GLIPR1L2: variants seen among roughly 807,000 people sequenced by gnomAD.
GLIPR1L2 encodes the protein GLIPR1 like 2.
Under a neutral mutation model 28.4 loss-of-function variants are expected in GLIPR1L2, and 21 were observed. The observed-to-expected ratio is 0.74, with a 90% CI of 0.52 to 1.06. The LOEUF (loss-of-function observed/expected upper bound fraction) is 1.06. GLIPR1L2 is among the 50% of genes least tolerant of loss of function. GLIPR1L2 has a pLI of 0.00. For synonymous variants in GLIPR1L2, 145 were observed against 139.3 expected, an observed-to-expected ratio of 1.04 and a Z score of -0.29; for missense variants, 476 against 416.9, an observed-to-expected ratio of 1.14 and a Z score of -1.23.
intron 2 of GLIPR1L2, among the ~76,000 whole-genome samples, chr12:75,413,305 C>T (rs2045889603): frequency 6.6e-6 from 1 of 151,146 alleles, no homozygotes; most frequent in Non-Finnish European, 1.5e-5. Context: ...TGTAACAAAC[C>T]TGCACATTGT....
At chr12:75,397,459 T>C (rs1158609998) in intron 1 of GLIPR1L2, among the ~76,000 whole-genome samples, 1 of 152,200 alleles carries the variant, frequency 6.6e-6, no homozygotes, top group African/African-American at 2.4e-5. Flanking sequence ...TTTTCTATCC[T>C]ATGCTTATTT....
chr12:75,412,004 T>A (rs2045872685), intron 2 of GLIPR1L2, among the ~76,000 whole-genome samples: 1 of 152,040 alleles, frequency 6.6e-6, no homozygotes, highest in Non-Finnish European at 1.5e-5. Context: ...TTTATTTCAT[T>A]TTTTAATGAA....
Position 75,391,344 on chromosome 12 carries a change from C to A in GLIPR1L2, c.228C>A (p.Arg76=), listed in dbSNP as rs749779615. Reference sequence around the variant, plus strand: ...TCATTCCCCGAGGGTCTAACTTGCGCTTCATGGTGAGGCCGGAAGGCGGTT... The same window carrying A: ...TCATTCCCCGAGGGTCTAACTTGCGATTCATGGTGAGGCCGGAAGGCGGTT... ...GDVIPRGSNL[R]FMTWDVALSR... is the part of the protein sequence containing the mutation. The change falls in exon 1 of 6, where the codon CGC becomes CGA. Residue 76 remains arginine (R), a synonymous_variant. Transcript: ENST00000550916. 1 of 1,613,826 alleles carries A rather than the reference C, an allele frequency of 6.2e-7. No individual in the cohort carries two copies. The highest frequency in any genetic ancestry group is 8.5e-7 in the Non-Finnish European group (1 of 1,179,700).
At chr12:75,418,653 G>T (rs955594903) in intron 3 of GLIPR1L2, among the ~76,000 whole-genome samples, 1 of 152,040 alleles carries the variant, frequency 6.6e-6, no homozygotes, top group Non-Finnish European at 1.5e-5. Context: ...GATTGTCTTG[G>T]CTATTCGGGC....
At chr12:75,426,355 T>A (rs1052870876) in intron 4 of GLIPR1L2, among the ~76,000 whole-genome samples, 3 of 152,232 alleles carry the variant, frequency 2.0e-5, no homozygotes, top group Non-Finnish European at 4.4e-5. Flanking sequence ...AAATACAGTT[T>A]ATCTGAATAC....
In GLIPR1L2 at chr12:75,431,119, G is replaced by T; in HGVS notation, c.993G>T (p.Glu331Asp). 2 of 958,190 alleles carry T rather than the reference G, an allele frequency of 2.1e-6. No homozygotes were observed. The highest frequency in any genetic ancestry group is 2.1e-5 in the Admixed American group (1 of 46,756). 59.4% of individuals were successfully genotyped at this position (958,190 alleles called of 1,614,324 possible). ...AAAAAGAAGAGAGAGAGGAGGAGGAGGAGGAAACACAAAAAGAAAAGATGG... is the reference window on the plus strand; with the variant it reads ...AAAAAGAAGAGAGAGAGGAGGAGGATGAGGAAACACAAAAAGAAAAGATGG... ...EEEKEEREEE[E>D]EETQKEKMEE... The change falls in exon 6 of 6, where the codon GAG becomes GAT. Residue 331 changes from glutamate to aspartate, a missense_variant. By Grantham distance (45) the Glu-to-Asp change is conservative. Transcript: ENST00000550916.
rs1213822233 is a variant in GLIPR1L2 at position 75,391,167 on chromosome 12, C to T, written c.51C>T (p.Pro17=). The change falls in exon 1 of 6, where the codon CCC becomes CCT. Residue 17 remains proline (P), a synonymous_variant. Transcript: ENST00000550916. ...GGGAGTGGAGGGCCCAGTCCCTACCCCTGGCAGTAGGGGGCGTTTTGAAGC... is the reference window on the plus strand; with the variant it reads ...GGGAGTGGAGGGCCCAGTCCCTACCTCTGGCAGTAGGGGGCGTTTTGAAGC... The part of the protein sequence containing the change: ...FAREWRAQSL[P]LAVGGVLKLR... 6.2e-7 allele frequency: 1 copy of T among 1,614,048 alleles called. No individual in the cohort carries two copies. Among genetic ancestry groups the T allele is most frequent in the Admixed American group, 1.7e-5 (1 of 60,014 alleles).
chr12:75,430,673 G>T (rs1594036873), intron 4 of GLIPR1L2, 42 bp from the exon 5 acceptor site: 1 of 1,505,094 alleles, frequency 6.6e-7, no homozygotes. Context: ...AGACAAAGAA[G>T]AAATTTTATG....
chr12:75,393,228 G>T (rs1452816165), intron 1 of GLIPR1L2, among the ~76,000 whole-genome samples: 1 of 151,910 alleles, frequency 6.6e-6, no homozygotes, highest in African/African-American at 2.4e-5. Context: ...TTAAAAAATT[G>T]TATTACAATA....
intron 3 of GLIPR1L2, among the ~76,000 whole-genome samples, chr12:75,419,253 A>T (rs1373530622): frequency 2.0e-5 from 3 of 152,200 alleles, no homozygotes; most frequent in Non-Finnish European, 4.4e-5. Flanking sequence ...GAAATTAATG[A>T]AGCAGTGTGG....
chr12:75,391,152 G>A lies in GLIPR1L2; in HGVS notation c.36G>A (p.Arg12=). ...EAARPFAREW[R]AQSLPLAVGG... ...CAAGGCCCTTCGCCCGGGAGTGGAG[G>A]GCCCAGTCCCTACCCCTGGCAGTAG... Residue 12 remains arginine (R), a synonymous_variant, in exon 1 of 6, where the codon AGG becomes AGA. Transcript: ENST00000550916. The A allele has an allele frequency of 6.2e-7, 1 of 1,614,068 alleles. No homozygotes were observed. Among genetic ancestry groups the A allele is most frequent in the Non-Finnish European group, 8.5e-7 (1 of 1,179,990 alleles).
In GLIPR1L2 at chr12:75,430,855, G is replaced by A. The variant is rs1407043581; in HGVS notation, c.729G>A (p.Met243Ile). 4 of 1,534,592 alleles carry A rather than the reference G, an allele frequency of 2.6e-6. No individual in the cohort carries two copies. The highest frequency in any genetic ancestry group is 2.6e-6 in the Non-Finnish European group (3 of 1,145,830). The change falls in exon 6 of 6, where the codon ATG (methionine) becomes ATA (isoleucine). Residue 243 changes from methionine (M) to isoleucine (I), a missense_variant. Physicochemically the swap from Met to Ile is conservative, Grantham distance 10. Coordinates refer to ENST00000550916, the MANE Select transcript of GLIPR1L2 (RefSeq NM_001270396.2). ...YYRFWYPKWEMPRPVVCDPLC... is the reference protein window; with the variant it reads ...YYRFWYPKWEIPRPVVCDPLC... ...GATTTTGGTATCCAAAATGGGAAATGCCCCGGCCAGTTGTGTGTGATCCAC... is the reference window on the plus strand; with the variant it reads ...GATTTTGGTATCCAAAATGGGAAATACCCCGGCCAGTTGTGTGTGATCCAC...
intron 3 of GLIPR1L2, among the ~76,000 whole-genome samples, chr12:75,417,249 C>T (rs1159032212): frequency 6.6e-6 from 1 of 152,010 alleles, no homozygotes; most frequent in African/African-American, 2.4e-5. Context: ...GCATAAGACA[C>T]ACAGAAGAGG....
intron 4 of GLIPR1L2, chr12:75,423,467 A>C (rs777910001): frequency 5.1e-4 from 438 of 862,988 alleles, no homozygotes; most frequent in Non-Finnish European, 6.0e-4. Context: ...TTTTCCAAAC[A>C]TGAGAGAATA....
At chr12:75,409,580 C>T (rs12833151) in intron 1 of GLIPR1L2, among the ~76,000 whole-genome samples, 72,418 of 143,736 alleles carry the variant, frequency 0.5, 18,362 homozygotes, top group East Asian at 0.59. Context: ...TATATATATA[C>T]ACACACACAT....
chr12:75,396,001 T>C (rs984723988), intron 1 of GLIPR1L2, among the ~76,000 whole-genome samples: 1 of 152,152 alleles, frequency 6.6e-6, no homozygotes, highest in African/African-American at 2.4e-5. Flanking sequence ...AAAAAAAATG[T>C]AAGCTCTTAC....
intron 1 of GLIPR1L2, among the ~76,000 whole-genome samples, chr12:75,393,128 A>C (rs557884270): frequency 9.6e-4 from 146 of 152,212 alleles, no homozygotes; most frequent in Non-Finnish European, 7.7e-4. Context: ...TTAGAACACA[A>C]ATTCTGAATA....
intron 1 of GLIPR1L2, among the ~76,000 whole-genome samples, chr12:75,402,285 GC>G (rs1685850504): frequency 6.6e-6 from 1 of 152,116 alleles, no homozygotes; most frequent in African/African-American, 2.4e-5. Context: ...CTTTAAATAG[GC>G]CTCCATCTTA....
intron 3 of GLIPR1L2, among the ~76,000 whole-genome samples, chr12:75,420,097 G>GT (rs1256971251): frequency 6.6e-6 from 1 of 152,196 alleles, no homozygotes; most frequent in African/African-American, 2.4e-5. Flanking sequence ...GAAACGAGTT[G>GT]TAAGTAGTCT....
Sources: gnomAD v4.1 joint callset for allele counts (sites outside exome capture counted in the v4.1 genomes callset) on GRCh38, gnomAD v4.1.1 for gene constraint, MANE v1.5 for transcripts, NCBI Gene and HGNC (gene_info 2026-07-23, HGNC 2026-07-21) for gene names.